The following MYO3B variants were observed in gnomAD, a reference collection of about 807,000 sequenced individuals.
MYO3B encodes the protein myosin-IIIb.
A neutral mutation model predicts 174.6 loss-of-function variants in MYO3B; 156 were observed. That is an observed-to-expected ratio of 0.89 (90% CI 0.78 to 1.02). The LOEUF is 1.02. Among genes scored for constraint, MYO3B ranks in the 50% least tolerant of loss-of-function variants. The pLI is 0.00. For missense variants in MYO3B, 1,632 were observed against 1,639.4 expected (o/e 1.00, Z 0.08); for synonymous variants, 563 against 569.1 (o/e 0.99, Z 0.15).
At chr2:170,238,340 G>C (rs2093094361) in intron 7 of MYO3B, among the ~76,000 whole-genome samples, 1 of 152,122 alleles carries the variant, frequency 6.6e-6, no homozygotes, top group African/African-American at 2.4e-5. Flanking sequence ...TCAGTTCAGT[G>C]CCTGTCTGTC....
intron 30 of MYO3B, among the ~76,000 whole-genome samples, chr2:170,528,594 C>T (rs552517234): frequency 5.3e-5 from 8 of 152,136 alleles, no homozygotes; most frequent in East Asian, 1.9e-4. Context: ...TTGATAGAGA[C>T]GGAGTTTCAC....
At chr2:170,540,321 C>T (rs574893529) in intron 30 of MYO3B, among the ~76,000 whole-genome samples, 1 of 151,704 alleles carries the variant, frequency 6.6e-6, no homozygotes, top group South Asian at 2.1e-4. Context: ...GCGATTCTAT[C>T]TCAAAAAAAA....
At chr2:170,447,167 C>A (rs2105919806) in intron 23 of MYO3B, among the ~76,000 whole-genome samples, 1 of 152,282 alleles carries the variant, frequency 6.6e-6, no homozygotes, top group Non-Finnish European at 1.5e-5. Context: ...CCTGCTTCTG[C>A]TGTTTAAATG....
At chr2:170,222,594 T>G (rs749834328) in intron 6 of MYO3B, among the ~76,000 whole-genome samples, 2 of 152,204 alleles carry the variant, frequency 1.3e-5, no homozygotes, top group Non-Finnish European at 2.9e-5. Context: ...TTTCTCTGTG[T>G]GTCTTCACAT....
chr2:170,443,937 A>T, intron 22 of MYO3B, 30 bp from the exon 23 acceptor site: 1 of 1,575,198 alleles, frequency 6.3e-7, no homozygotes, highest in Non-Finnish European at 8.7e-7. Context: ...CTTTTCCTTT[A>T]ATTTATGTTC....
chr2:170,417,060 G>A (rs747019542), intron 22 of MYO3B, among the ~76,000 whole-genome samples: 7 of 151,960 alleles, frequency 4.6e-5, no homozygotes, highest in South Asian at 4.2e-4. Context: ...TCCTGACCTC[G>A]TGATCTGCCT....
At chr2:170,397,130 A>G (rs1411190674) in intron 16 of MYO3B, among the ~76,000 whole-genome samples, 1 of 152,216 alleles carries the variant, frequency 6.6e-6, no homozygotes, top group Admixed American at 6.5e-5. Context: ...TGATTAAACA[A>G]TGATTCTTAA....
chr2:170,476,844 T>A (rs1425997962), intron 25 of MYO3B, among the ~76,000 whole-genome samples: 2 of 152,100 alleles, frequency 1.3e-5, no homozygotes, highest in African/African-American at 4.8e-5. Context: ...TTTCCCTGTC[T>A]TCTGTTCATA....
At chr2:170,240,196 C>T (rs1215648772) in intron 7 of MYO3B, among the ~76,000 whole-genome samples, 3 of 152,168 alleles carry the variant, frequency 2.0e-5, no homozygotes, top group Non-Finnish European at 4.4e-5. Flanking sequence ...TCTGAGTAGA[C>T]ATATCTTTTG....
intron 3 of MYO3B, among the ~76,000 whole-genome samples, chr2:170,211,718 A>G (rs1282557808): frequency 6.6e-6 from 1 of 152,140 alleles, no homozygotes; most frequent in Non-Finnish European, 1.5e-5. Context: ...TGTGAAATGA[A>G]AAACAAAAAG....
chr2:170,260,501 A>C (rs1270305124), intron 7 of MYO3B, among the ~76,000 whole-genome samples: 1 of 152,200 alleles, frequency 6.6e-6, no homozygotes, highest in South Asian at 2.1e-4. Context: ...GCAGCTAAAC[A>C]TTGGGTACAC....
intron 3 of MYO3B, among the ~76,000 whole-genome samples, chr2:170,208,684 T>C (rs1449628884): frequency 6.6e-6 from 1 of 152,192 alleles, no homozygotes; most frequent in East Asian, 1.9e-4. Flanking sequence ...GACAAATGTA[T>C]GGTAAGTTTT....
chr2:170,570,445 T>A (rs1692361624), intron 32 of MYO3B, among the ~76,000 whole-genome samples: 1 of 152,196 alleles, frequency 6.6e-6, no homozygotes, highest in South Asian at 2.1e-4. Context: ...AAAGAATATT[T>A]CCATCTCACC....
intron 22 of MYO3B, among the ~76,000 whole-genome samples, chr2:170,438,563 C>T (rs1355309529): frequency 6.6e-6 from 1 of 152,120 alleles, no homozygotes; most frequent in African/African-American, 2.4e-5. Flanking sequence ...GCAGAGAGTT[C>T]TAATTTCTCT....
chr2:170,552,135 A>C (rs1690964047), intron 32 of MYO3B, among the ~76,000 whole-genome samples: 1 of 152,208 alleles, frequency 6.6e-6, no homozygotes, highest in South Asian at 2.1e-4. Flanking sequence ...GAAAATTGGT[A>C]CCAGGAGTGG....
At chr2:170,504,633 C>T (rs986620900) in intron 28 of MYO3B, among the ~76,000 whole-genome samples, 4 of 152,158 alleles carry the variant, frequency 2.6e-5, no homozygotes, top group Non-Finnish European at 4.4e-5. Context: ...TTAACCTTCC[C>T]AGGCTTTCTC....
rs933807402 is a variant in MYO3B, at chr2:170,520,500, T to TAC, written c.3575+972_3575+973dup. Reference sequence around the variant, plus strand: ...ACACATATATATATACACACATATATACACACACACACATATATATATAAT... The same window carrying TAC: ...ACACATATATATATACACACATATATACACACACACACACATATATATATAAT... On this transcript the variant is annotated intron_variant, in intron 30 of 34. Coordinates refer to ENST00000408978, the MANE Select transcript of MYO3B (RefSeq NM_138995.5). 6.1e-4 allele frequency among the ~76,000 whole-genome samples: 92 copies of TAC among 151,502 alleles called. 2 individuals are homozygous for TAC. The highest frequency in any genetic ancestry group is 1.6e-3 in the African/African-American group (68 of 41,282).
chr2:170,501,657 T>C (rs975528910), intron 27 of MYO3B, 128 bp from the exon 28 acceptor site: 1 of 626,308 alleles, frequency 1.6e-6, no homozygotes, highest in Admixed American at 2.7e-5. Flanking sequence ...CTCTGCTTAT[T>C]TTGTTCAGTG....
chr2:170,422,322 C>T (rs1018974185), intron 22 of MYO3B, among the ~76,000 whole-genome samples: 12 of 152,118 alleles, frequency 7.9e-5, no homozygotes, highest in Admixed American at 2.0e-4. Flanking sequence ...CCTGCCTCAG[C>T]CCCCCAAGTA....
Sources: gnomAD v4.1 joint callset for allele counts (sites outside exome capture counted in the v4.1 genomes callset) on GRCh38, gnomAD v4.1.1 for gene constraint, MANE v1.5 for transcripts, NCBI Gene and HGNC (gene_info 2026-07-23, HGNC 2026-07-21) for gene names.